Variants in MYPN observed in about 807,000 individuals in gnomAD.
The protein encoded by MYPN is sarcomeric protein myopalladin, 145 kDa (MYOP).
Under a neutral mutation model 129.4 loss-of-function variants are expected in MYPN, and 63 were observed. The observed-to-expected ratio is 0.49, with a 90% confidence interval of 0.40 to 0.60. MYPN has a LOEUF of 0.60. Ranked by LOEUF, MYPN falls within the 20% of genes least tolerant of loss-of-function variation. MYPN has a pLI of 0.00. For missense variants in MYPN, 1,596 were observed against 1,635.4 expected (o/e 0.98, Z 0.42); for synonymous variants, 629 against 600.9 (o/e 1.05, Z -0.68).
intron 15 of MYPN, among the ~76,000 whole-genome samples, chr10:68,196,157 A>G (rs1287246756): frequency 1.3e-5 from 2 of 152,242 alleles, no homozygotes; most frequent in African/African-American, 2.4e-5. Flanking sequence ...ACCTGCACAC[A>G]TAATATGTAA....
intron 16 of MYPN, among the ~76,000 whole-genome samples, chr10:68,198,141 C>G (rs1329631630): frequency 6.6e-6 from 1 of 152,160 alleles, no homozygotes; most frequent in Non-Finnish European, 1.5e-5. Flanking sequence ...TTTAAGAATT[C>G]TAGAATGCTA....
chr10:68,191,052 A>AT (rs1207375522), intron 13 of MYPN, among the ~76,000 whole-genome samples: 3 of 151,730 alleles, frequency 2.0e-5, no homozygotes, highest in Non-Finnish European at 2.9e-5. Context: ...CTATGTGTCT[A>AT]TTTTTTTGCG....
Position 68,145,540 on chromosome 10 carries a change from T to C in MYPN, c.1130+14T>C. The C allele has an allele frequency of 6.2e-7, 1 of 1,609,440 alleles. No homozygotes were observed. Among genetic ancestry groups the C allele is most frequent in the Non-Finnish European group, 8.5e-7 (1 of 1,176,406 alleles). On this transcript the variant is annotated intron_variant, in intron 4 of 19. Transcript: ENST00000358913. ...AGAGATGAATCGGTAATTCTGATTTTCTGTCTTATAGCTTTAGCATCCTCA... is the reference window on the plus strand; with the variant it reads ...AGAGATGAATCGGTAATTCTGATTTCCTGTCTTATAGCTTTAGCATCCTCA...
In MYPN at chr10:68,206,920, T is replaced by G; in HGVS notation, c.3793+17T>G. The G allele has an allele frequency of 6.2e-7, 1 of 1,614,054 alleles. No homozygotes were observed. The highest frequency in any genetic ancestry group is 1.1e-5 in the South Asian group (1 of 91,072). On this transcript the variant is annotated intron_variant, in intron 19 of 19. Coordinates refer to ENST00000358913, the MANE Select transcript of MYPN (RefSeq NM_032578.4). ...ATATATACGGTAAGTGTAATGCTGT[T>G]AGTTGAACATCTGTATGCAACTGAC...
intron 13 of MYPN, among the ~76,000 whole-genome samples, chr10:68,192,607 T>A (rs928705965): frequency 1.3e-5 from 2 of 151,724 alleles, no homozygotes; most frequent in Admixed American, 6.6e-5. Flanking sequence ...TCTTTAAATG[T>A]TTGGTAGAAT....
At chr10:68,180,493 A>C (rs12098627) in intron 12 of MYPN, among the ~76,000 whole-genome samples, 1 of 152,192 alleles carries the variant, frequency 6.6e-6, no homozygotes, top group African/African-American at 2.4e-5. Context: ...GCCTACCTCC[A>C]AGTTTATTTA....
rs960036972 is a variant in MYPN, at chr10:68,109,691, A to C, written c.-34A>C. On this transcript the variant is annotated 5_prime_UTR_variant, in exon 1 of 20. Transcript: ENST00000358913. ...CATTGCAGTGGAGTGCCTGGATTGG[A>C]CATCCTCATCTGGGTCAACTAAAAA... 2.0e-5 allele frequency: 9 copies of C among 453,956 alleles called. No homozygotes were observed. Among genetic ancestry groups the C allele is most frequent in the African/African-American group, 1.0e-4 (5 of 50,000 alleles). The allele number at this position is 453,956 out of a possible 1,614,324, so 28.1% of individuals were successfully genotyped here.
At chr10:68,104,196 A>T (rs2041996140), upstream of MYPN, among the ~76,000 whole-genome samples, 1 of 152,184 alleles carries the variant, frequency 6.6e-6, no homozygotes, top group Non-Finnish European at 1.5e-5. Flanking sequence ...CATTAACATT[A>T]GTGTGATTAC....
chr10:68,165,909 A>G (rs2043046031), intron 9 of MYPN, 91 bp downstream of exon 9: 1 of 1,110,098 alleles, frequency 9.0e-7, no homozygotes, highest in Non-Finnish European at 1.4e-6. Context: ...TGTTTTTCAT[A>G]CAAAGCTGGC....
chr10:68,182,286 TATATATAACATATATATAACACACAC>T (rs2043329539), intron 12 of MYPN, among the ~76,000 whole-genome samples: 1 of 39,438 alleles, frequency 2.5e-5, no homozygotes, highest in African/African-American at 7.9e-5. Context: ...AACACACATA[TATATATAACATATATATAACACACAC>T]ATATATATAA....
intron 14 of MYPN, 100 bp downstream of exon 14, chr10:68,194,612 T>C: frequency 7.5e-7 from 1 of 1,325,574 alleles, no homozygotes; most frequent in Admixed American, 2.0e-5. Context: ...TAAGGATTGC[T>C]GAGGAAAATG....
intron 12 of MYPN, among the ~76,000 whole-genome samples, chr10:68,183,172 T>G (rs1293432717): frequency 6.6e-6 from 1 of 152,138 alleles, no homozygotes; most frequent in Admixed American, 6.6e-5. Flanking sequence ...TAATAATATT[T>G]CTCTGCGGCC....
upstream of MYPN, among the ~76,000 whole-genome samples, chr10:68,104,608 T>C (rs1256712297): frequency 6.6e-6 from 1 of 152,210 alleles, no homozygotes; most frequent in African/African-American, 2.4e-5. Flanking sequence ...ACATTGCATG[T>C]AGAGTTTATT....
At chr10:68,152,302 G>T (rs1047252841) in intron 6 of MYPN, among the ~76,000 whole-genome samples, 1 of 152,080 alleles carries the variant, frequency 6.6e-6, no homozygotes, top group Non-Finnish European at 1.5e-5. Context: ...GTATAATGAG[G>T]CATGTCCCCT....
intron 1 of MYPN, among the ~76,000 whole-genome samples, chr10:68,094,724 T>C (rs146525131): frequency 6.6e-6 from 1 of 152,266 alleles, no homozygotes; most frequent in Non-Finnish European, 1.5e-5. Flanking sequence ...AAGTTTAGCA[T>C]TTTCAAAGAA....
chr10:68,210,084 T>C (rs976851839), intron 19 of MYPN, among the ~76,000 whole-genome samples: 2 of 152,218 alleles, frequency 1.3e-5, no homozygotes, highest in African/African-American at 4.8e-5. Flanking sequence ...GCTTAAGATA[T>C]CACCAGCACA....
chr10:68,135,411 C>A, intron 2 of MYPN: 1 of 879,004 alleles, frequency 1.1e-6, no homozygotes, highest in Non-Finnish European at 1.4e-6. Flanking sequence ...TTCAACATAA[C>A]TTTATTAGAC....
At chr10:68,197,230 C>T in intron 15 of MYPN, 122 bp from the exon 16 acceptor site, 2 of 984,008 alleles carry the variant, frequency 2.0e-6, no homozygotes, top group Admixed American at 4.8e-5. Context: ...TCCAGCCTCC[C>T]CTTTCCCCCT....
chr10:68,115,080 GA>G (rs2042136524), intron 1 of MYPN, among the ~76,000 whole-genome samples: 1 of 151,804 alleles, frequency 6.6e-6, no homozygotes, highest in Non-Finnish European at 1.5e-5. Context: ...ATAACTTGGT[GA>G]AACCCTATCT....
Sources: allele counts gnomAD v4.1 joint callset (sites outside exome capture counted in the v4.1 genomes callset), GRCh38; gene constraint gnomAD v4.1.1; transcripts MANE v1.5; gene names NCBI Gene and HGNC (gene_info 2026-07-23, HGNC 2026-07-21).